Variants in SIL1 observed in about 807,000 individuals in gnomAD.
The protein encoded by SIL1 is nucleotide exchange factor SIL1.
Under a neutral mutation model 49.1 loss-of-function variants are expected in SIL1, and 40 were observed. The observed-to-expected ratio is 0.81, with a 90% CI of 0.63 to 1.06. The LOEUF (loss-of-function observed/expected upper bound fraction) is 1.06. SIL1 is among the 50% of genes least tolerant of loss of function. The probability of loss-of-function intolerance (pLI) is 0.00; values close to 1 mark genes in which losing one functional copy is unlikely to be tolerated. For missense variants in SIL1, 500 were observed against 572.6 expected (o/e 0.87, Z 1.29); for synonymous variants, 253 against 250.8 (o/e 1.01, Z -0.08).
At position 138,951,328 on chromosome 5, in the gene SIL1, A is replaced by T; in HGVS notation, c.872T>A (p.Phe291Tyr). The T allele has an allele frequency of 6.4e-7, 1 of 1,553,990 alleles. No individual in the cohort carries two copies. Among genetic ancestry groups the T allele is most frequent in the South Asian group, 1.2e-5 (1 of 84,230 alleles). ...GTGGCGCAGCAGGGAGCACAGTGCA[A>T]ACAGGACCTGGGGGCACAGACCCAG... is the stretch of plus-strand genomic sequence containing the variant. ...QPLTAKKKVL[F>Y]ALCSLLRHFP... is the part of the protein sequence containing the mutation. The change falls in exon 9 of 10, where the codon TTT becomes TAT. Residue 291 changes from phenylalanine to tyrosine, a missense_variant. Coordinates refer to ENST00000394817, the MANE Select transcript of SIL1 (RefSeq NM_022464.5).
rs141582676 is a variant in SIL1 at position 139,050,941 on chromosome 5, T to C, written c.350A>G (p.Lys117Arg). ...EDKFRNNLKG[K>R]RLDINTNTYT... The stretch of plus-strand genomic sequence containing the variant: ...GTCCCTAGGGTTGACACTGTACCTT[T>C]TGCCTTTCAAATTATTTCGGAACTT... Residue 117 changes from lysine (K) to arginine (R), a missense_variant, in exon 4 of 10, where the codon AAA (lysine) becomes AGA (arginine). Transcript: ENST00000394817. The C allele has an allele frequency of 6.2e-7, 1 of 1,613,820 alleles. No homozygotes were observed. The highest frequency in any genetic ancestry group is 8.5e-7 in the Non-Finnish European group (1 of 1,179,672).
chr5:138,947,535 C>T lies in SIL1; in HGVS notation c.1030-62G>A. The T allele has an allele frequency of 2.1e-6, 3 of 1,456,384 alleles. No individual in the cohort carries two copies. The highest frequency in any genetic ancestry group is 1.9e-6 in the Non-Finnish European group (2 of 1,037,596). The allele number at this position is 1,456,384 out of a possible 1,614,324, so 90.2% of individuals were successfully genotyped here. A position where few individuals can be genotyped will look rare whatever the true frequency, so the allele number is the denominator to read the frequency against. ...GGGTGGGGAGAGAACACACAGGGAG[C>T]AGTTAGCTCACACCTGGCTAGCTCT... On this transcript the variant is annotated intron_variant, in intron 9 of 9. Transcript: ENST00000394817. This position sits in a 1 kb window ranked among gnomAD's most constrained non-coding sequence, Gnocchi z 4.1.
intron 3 of SIL1, among the ~76,000 whole-genome samples, chr5:139,111,271 T>C (rs755753776): frequency 3.9e-5 from 6 of 152,232 alleles, no homozygotes; most frequent in Admixed American, 1.3e-4. Flanking sequence ...TCTATATCCC[T>C]ACCACCTTTC....
chr5:139,058,970 A>ATGTG (rs61070788), intron 3 of SIL1, among the ~76,000 whole-genome samples: 4 of 150,336 alleles, frequency 2.7e-5, no homozygotes, highest in Middle Eastern at 3.4e-3. Context: ...AGAAATGTGT[A>ATGTG]TGTGTGTGTG....
intron 3 of SIL1, among the ~76,000 whole-genome samples, chr5:139,113,182 C>A (rs1770908543): frequency 1.3e-5 from 2 of 152,070 alleles, no homozygotes; most frequent in South Asian, 4.1e-4. Context: ...GGTCCTCTGC[C>A]TAGGAAAACC....
intron 1 of SIL1, among the ~76,000 whole-genome samples, chr5:139,164,288 T>G (rs1751575099): frequency 1.3e-5 from 2 of 152,112 alleles, no homozygotes; most frequent in Admixed American, 1.3e-4. Flanking sequence ...AGCTACTTTC[T>G]CTAATGACTC....
At position 138,948,578 on chromosome 5, in the gene SIL1, T is replaced by C. The variant is rs1243389701; in HGVS notation, c.1030-1105A>G. On this transcript the variant is annotated intron_variant, in intron 9 of 9. Coordinates refer to ENST00000394817, the MANE Select transcript of SIL1 (RefSeq NM_022464.5). This position sits in a 1 kb window ranked among gnomAD's most constrained non-coding sequence, Gnocchi z 4.8. ...ACCCACTCACACCCACTCCTGTCAC[T>C]CTAACTCTCCCCTGGGGCCTCTGGA... 2.0e-5 allele frequency among the ~76,000 whole-genome samples: 3 copies of C among 152,010 alleles called. No individual in the cohort carries two copies. Among genetic ancestry groups the C allele is most frequent in the African/African-American group, 7.2e-5 (3 of 41,386 alleles).
chr5:139,153,426 A>G (rs1581137237), intron 1 of SIL1, among the ~76,000 whole-genome samples: 1 of 152,178 alleles, frequency 6.6e-6, no homozygotes, highest in Non-Finnish European at 1.5e-5. Flanking sequence ...AAGGACAGAG[A>G]CCATGTTCAT....
intron 7 of SIL1, among the ~76,000 whole-genome samples, chr5:138,971,337 T>C (rs144870347): frequency 1.2e-4 from 19 of 152,230 alleles, no homozygotes; most frequent in Admixed American, 5.2e-4. Context: ...CCATGTGACC[T>C]ACCGGCTTGA....
chr5:139,170,709 CG>C (rs1379673693), intron 1 of SIL1, among the ~76,000 whole-genome samples: 3 of 151,506 alleles, frequency 2.0e-5, no homozygotes, highest in African/African-American at 7.3e-5. Flanking sequence ...CCCCTCCGCC[CG>C]GCAGCCACCC....
At chr5:139,052,220 C>CCAGT (rs33975477) in intron 3 of SIL1, among the ~76,000 whole-genome samples, 65,346 of 151,652 alleles carry the variant, frequency 0.43, 15,170 homozygotes, top group African/African-American at 0.63. Flanking sequence ...CTGAGTTCCA[C>CCAGT]CAGTCACTCT....
intron 1 of SIL1, among the ~76,000 whole-genome samples, chr5:139,192,107 G>A (rs573069296): frequency 2.0e-5 from 3 of 146,420 alleles, no homozygotes; most frequent in South Asian, 2.2e-4. Context: ...ATCCACTGGC[G>A]AGTGAGGCAT....
At chr5:139,034,801 G>A (rs530932163) in intron 5 of SIL1, among the ~76,000 whole-genome samples, 61 of 152,306 alleles carry the variant, frequency 4.0e-4, no homozygotes, top group African/African-American at 1.4e-3. Context: ...GGATTGCTGG[G>A]TCAAATGCTA....
At chr5:139,079,491 A>G (rs1770024756) in intron 3 of SIL1, among the ~76,000 whole-genome samples, 1 of 152,250 alleles carries the variant, frequency 6.6e-6, no homozygotes, top group African/African-American at 2.4e-5. Context: ...CCACAATTGA[A>G]AGGAAGGCTG....
intron 3 of SIL1, among the ~76,000 whole-genome samples, chr5:139,068,172 T>G (rs562232095): frequency 6.6e-6 from 1 of 152,168 alleles, no homozygotes; most frequent in Non-Finnish European, 1.5e-5. Context: ...AAAAACAGAC[T>G]GACTAGAGAG....
chr5:139,157,562 A>G lies in SIL1; in HGVS notation c.-10-29709T>C, dbSNP rs116175785. Among the ~76,000 whole-genome samples the G allele has an allele frequency of 1.3e-3, 202 of 152,352 alleles. 1 individual carries two copies. The highest frequency in any genetic ancestry group is 4.8e-3 in the African/African-American group (198 of 41,598). ...CAATTCTGGAATTAACAAGCAAGCT[A>G]ATAAACACATTGTCAGGACAAAGGT... On this transcript the variant is annotated intron_variant, in intron 1 of 9. Coordinates refer to ENST00000394817, the MANE Select transcript of SIL1 (RefSeq NM_022464.5).
chr5:139,115,677 C>T (rs576690974), intron 3 of SIL1, among the ~76,000 whole-genome samples: 1 of 152,338 alleles, frequency 6.6e-6, no homozygotes, highest in South Asian at 2.1e-4. Flanking sequence ...CTGCACACCA[C>T]TCCCTACCCC....
chr5:139,131,903 A>G (rs1750872657), intron 1 of SIL1: 1 of 152,332 alleles, frequency 6.6e-6, no homozygotes, highest in Admixed American at 6.5e-5. Flanking sequence ...ACTTCTGTTA[A>G]CGCTGCAGCC....
chr5:139,089,905 T>C (rs1197974358), intron 3 of SIL1, among the ~76,000 whole-genome samples: 1 of 152,226 alleles, frequency 6.6e-6, no homozygotes, highest in African/African-American at 2.4e-5. Context: ...ACATAATGAA[T>C]GTACTAAATA....
Sources: gnomAD v4.1 joint callset for allele counts (sites outside exome capture counted in the v4.1 genomes callset) on GRCh38, gnomAD v4.1.1 for gene constraint, Gnocchi (gnomAD v3.1) non-coding constraint, MANE v1.5 for transcripts, NCBI Gene and HGNC (gene_info 2026-07-23, HGNC 2026-07-21) for gene names.